CAMKK2: variants seen among roughly 807,000 people sequenced by gnomAD.
The protein encoded by CAMKK2 is calcium/calmodulin dependent protein kinase kinase 2, also known as calcium/calmodulin-dependent protein kinase kinase 2.
In CAMKK2, 30 loss-of-function variants were observed where a neutral mutation model predicts 67.2. The ratio of observed to expected loss-of-function variants is 0.45; its 90% CI spans 0.33 to 0.61. The LOEUF is 0.61. CAMKK2 is among the 20% of genes least tolerant of loss of function. The pLI is 0.02. For missense variants in CAMKK2, 643 were observed against 802.0 expected (o/e 0.80, Z 2.39); for synonymous variants, 322 against 326.2 (o/e 0.99, Z 0.14).
intron 1 of CAMKK2, among the ~76,000 whole-genome samples, chr12:121,289,914 C>T (rs371027920): frequency 8.1e-6 from 1 of 123,378 alleles, no homozygotes; most frequent in Non-Finnish European, 1.6e-5. Context: ...AAAAAAAAGG[C>T]GGGGCGGGGA....
At chr12:121,283,818 A>C (rs978839789) in intron 1 of CAMKK2, among the ~76,000 whole-genome samples, 1 of 138,222 alleles carries the variant, frequency 7.2e-6, no homozygotes, top group African/African-American at 3.4e-5. Flanking sequence ...CTTTCGCTAA[A>C]TAAATAAATA....
chr12:121,252,027 G>A (rs1890838845), intron 11 of CAMKK2, among the ~76,000 whole-genome samples: 1 of 152,180 alleles, frequency 6.6e-6, no homozygotes, highest in Admixed American at 6.5e-5. Flanking sequence ...TCAGGCTCAG[G>A]AGGAACGAGC....
intron 1 of CAMKK2, among the ~76,000 whole-genome samples, chr12:121,277,873 A>AACCCG (rs1156394266): frequency 2.0e-5 from 3 of 152,212 alleles, no homozygotes; most frequent in African/African-American, 7.2e-5. Flanking sequence ...AGGCTGAAGC[A>AACCCG]GGAGAATCAC....
At chr12:121,278,647 G>A (rs1897216268) in intron 1 of CAMKK2, among the ~76,000 whole-genome samples, 1 of 152,178 alleles carries the variant, frequency 6.6e-6, no homozygotes, top group Non-Finnish European at 1.5e-5. Flanking sequence ...CATTCTCGCT[G>A]CCTGCTGCCG....
At chr12:121,256,104 C>T (rs185960060) in intron 7 of CAMKK2, among the ~76,000 whole-genome samples, 5 of 152,282 alleles carry the variant, frequency 3.3e-5, no homozygotes, top group South Asian at 4.1e-4. Context: ...GGGCTGGGCA[C>T]GGTGGCTCAC....
intron 7 of CAMKK2, among the ~76,000 whole-genome samples, chr12:121,259,244 C>A (rs1010577688): frequency 6.6e-6 from 1 of 152,200 alleles, no homozygotes; most frequent in Non-Finnish European, 1.5e-5. Flanking sequence ...CACTGTATTT[C>A]TCCATCCCCC....
intron 3 of CAMKK2, among the ~76,000 whole-genome samples, chr12:121,270,131 G>T (rs1895451598): frequency 6.6e-6 from 1 of 152,038 alleles, no homozygotes; most frequent in Non-Finnish European, 1.5e-5. Context: ...CAGCACTTTG[G>T]GAGGCCGAGG....
intron 1 of CAMKK2, among the ~76,000 whole-genome samples, chr12:121,281,918 C>T (rs562910119): frequency 8.5e-5 from 13 of 152,228 alleles, no homozygotes; most frequent in African/African-American, 2.9e-4. Context: ...TGCACTCTAG[C>T]CTGGGTGACA....
chr12:121,292,844 C>T (rs908785553), intron 1 of CAMKK2, among the ~76,000 whole-genome samples: 2 of 151,834 alleles, frequency 1.3e-5, no homozygotes, highest in Non-Finnish European at 2.9e-5. Context: ...TGGCATGCAC[C>T]TGTAGTCTCA....
chr12:121,296,918 G>C (rs541597597), upstream of CAMKK2, among the ~76,000 whole-genome samples: 685 of 151,598 alleles, frequency 4.5e-3, 5 homozygotes, highest in African/African-American at 0.014. This position sits in a 1 kb window ranked among gnomAD's most constrained non-coding sequence, Gnocchi z 7.1. Flanking sequence ...GCGCCGGGGA[G>C]GGGTGGGGAG....
In CAMKK2 at chr12:121,244,785, A is replaced by G. The variant is rs190144739; in HGVS notation, c.1554-170T>C. ...TGGACACCTCTCTGCATGGACACAC[A>G]GGGTCCTGAGTGAGACCACACTGCT... On this transcript the variant is annotated intron_variant, in intron 15 of 16. Coordinates refer to ENST00000404169, the MANE Select transcript of CAMKK2 (RefSeq NM_001270485.2). Among the ~76,000 whole-genome samples, 16 of 152,358 alleles carry G rather than the reference A, an allele frequency of 1.1e-4. No homozygotes were observed. In the East Asian group the frequency reaches 3.1e-3, roughly 29 times the overall value.
chr12:121,243,110 C>G (rs574693466), intron 16 of CAMKK2, among the ~76,000 whole-genome samples: 9 of 150,872 alleles, frequency 6.0e-5, no homozygotes, highest in Admixed American at 1.3e-4. Context: ...CTCAGCTCAC[C>G]GCAACCTCCA....
chr12:121,244,240 A>G, intron 16 of CAMKK2: 1 of 1,139,618 alleles, frequency 8.8e-7, no homozygotes, highest in Admixed American at 2.1e-5. Flanking sequence ...GGGGGCACCC[A>G]TGGGCCCTGT....
At chr12:121,260,171 T>C in intron 7 of CAMKK2, 148 bp downstream of exon 7, 3 of 636,104 alleles carry the variant, frequency 4.7e-6, no homozygotes, top group South Asian at 2.1e-5. Flanking sequence ...CAACCAGGGG[T>C]GTGGCCTCCG....
At chr12:121,272,991 T>G (rs1896061302) in intron 2 of CAMKK2, among the ~76,000 whole-genome samples, 1 of 152,194 alleles carries the variant, frequency 6.6e-6, no homozygotes, top group African/African-American at 2.4e-5. Flanking sequence ...CACCAGGTAC[T>G]GTGCTAGGCT....
intron 1 of CAMKK2, among the ~76,000 whole-genome samples, chr12:121,291,086 C>T (rs1298348322): frequency 6.6e-6 from 1 of 152,234 alleles, no homozygotes; most frequent in East Asian, 1.9e-4. Context: ...TCCCAAAGTG[C>T]TGGGATTACA....
In CAMKK2 at chr12:121,245,444, G is replaced by A. The variant is rs560714864; in HGVS notation, c.1453-204C>T. Among the ~76,000 whole-genome samples the A allele has an allele frequency of 6.6e-6, 1 of 152,132 alleles. No homozygotes were observed. Among genetic ancestry groups the A allele is most frequent in the Non-Finnish European group, 1.5e-5 (1 of 68,030 alleles). On this transcript the variant is annotated intron_variant, in intron 14 of 16. Coordinates refer to ENST00000404169, the MANE Select transcript of CAMKK2 (RefSeq NM_001270485.2). This position sits in a 1 kb window ranked among gnomAD's most constrained non-coding sequence, Gnocchi z 5.8. Reference sequence around the variant, plus strand: ...ATCCTCTGGGAAAAGGTGCTGTCCTGCACCACACCCTCAGCCACTGCTCAG... The same window carrying A: ...ATCCTCTGGGAAAAGGTGCTGTCCTACACCACACCCTCAGCCACTGCTCAG...
chr12:121,281,343 G>A (rs532436948), intron 1 of CAMKK2, among the ~76,000 whole-genome samples: 1 of 152,324 alleles, frequency 6.6e-6, no homozygotes, highest in East Asian at 1.9e-4. Flanking sequence ...AGGCTCCCCT[G>A]AGGTTGCCTC....
Position 121,274,564 on chromosome 12 carries a change from TC to T in CAMKK2, c.-39del. 6.8e-7 allele frequency: 1 copy of T among 1,473,722 alleles called. No homozygotes were observed. Among genetic ancestry groups the T allele is most frequent in the Non-Finnish European group, 9.2e-7 (1 of 1,084,526 alleles). 91.3% of individuals were successfully genotyped at this position (1,473,722 alleles called of 1,614,324 possible). ...AGCTTCATCCAGCACACTGGGGCACTCCCATCCGGCAGCGGAGCCACCTGCA... is the reference window on the plus strand; with the variant it reads ...AGCTTCATCCAGCACACTGGGGCACTCCATCCGGCAGCGGAGCCACCTGCA... On this transcript the variant is annotated 5_prime_UTR_variant, in exon 2 of 17. An upstream open reading frame in the 5' UTR loses its in-frame stop. Transcript: ENST00000404169.
Sources: allele counts gnomAD v4.1 joint callset (sites outside exome capture counted in the v4.1 genomes callset), GRCh38; gene constraint gnomAD v4.1.1; non-coding constraint Gnocchi (gnomAD v3.1); transcripts MANE v1.5; gene names NCBI Gene and HGNC (gene_info 2026-07-23, HGNC 2026-07-21).